The following MYO3B variants were observed in gnomAD, a reference collection of about 807,000 sequenced individuals.
The protein encoded by MYO3B is myosin-IIIb.
Under a neutral mutation model 174.6 loss-of-function variants are expected in MYO3B, and 156 were observed. The observed-to-expected ratio is 0.89, with a 90% CI of 0.78 to 1.02. The LOEUF (loss-of-function observed/expected upper bound fraction) is 1.02. MYO3B is among the 50% of genes least tolerant of loss of function. The probability of loss-of-function intolerance (pLI) is 0.00; values close to 1 mark genes in which losing one functional copy is unlikely to be tolerated. For missense variants in MYO3B, 1,632 were observed against 1,639.4 expected, an observed-to-expected ratio of 1.00 and a Z score of 0.08; for synonymous variants, 563 against 569.1, an observed-to-expected ratio of 0.99 and a Z score of 0.15.
chr2:170,384,418 A>G (rs942775891), intron 12 of MYO3B, among the ~76,000 whole-genome samples: 12 of 151,994 alleles, frequency 7.9e-5, no homozygotes, highest in Admixed American at 3.3e-4. Context: ...CAATAGGTAT[A>G]TTTTTCTTTG....
chr2:170,590,877 G>A (rs1693781210), intron 32 of MYO3B, among the ~76,000 whole-genome samples: 1 of 152,214 alleles, frequency 6.6e-6, no homozygotes, highest in South Asian at 2.1e-4. Flanking sequence ...GAAACGTTTG[G>A]CCGCAATACT....
intron 25 of MYO3B, among the ~76,000 whole-genome samples, chr2:170,493,231 A>G (rs181949992): frequency 4.7e-4 from 72 of 152,318 alleles, no homozygotes; most frequent in Admixed American, 1.8e-3. Context: ...AATTCTTCCC[A>G]AATCTCCAAT....
chr2:170,281,866 A>G (rs2093513788), intron 7 of MYO3B, among the ~76,000 whole-genome samples: 1 of 152,240 alleles, frequency 6.6e-6, no homozygotes, highest in Non-Finnish European at 1.5e-5. Context: ...AAACACAATT[A>G]GAAATGATGA....
At chr2:170,516,946 TTC>T (rs1219394862) in intron 29 of MYO3B, among the ~76,000 whole-genome samples, 18 of 152,244 alleles carry the variant, frequency 1.2e-4, no homozygotes, top group Admixed American at 6.5e-5. Flanking sequence ...ATGAGTCACC[TTC>T]TCTCTCTTTT....
At chr2:170,393,199 T>G (rs1240129699) in intron 16 of MYO3B, among the ~76,000 whole-genome samples, 2 of 151,872 alleles carry the variant, frequency 1.3e-5, no homozygotes, top group Non-Finnish European at 2.9e-5. Context: ...TTCTCCTGCT[T>G]CAGCCTCCCG....
chr2:170,401,346 G>GATCT lies in MYO3B; in HGVS notation c.1919-133_1919-130dup, dbSNP rs372272208. 876 of 742,642 alleles carry GATCT rather than the reference G, an allele frequency of 1.2e-3. 9 individuals are homozygous for GATCT. The African/African-American group carries it at 0.013, about 11-fold the overall frequency. The allele number at this position is 742,642 out of a possible 1,614,324, so 46.0% of individuals were successfully genotyped here. A position where few individuals can be genotyped will look rare whatever the true frequency, so the allele number is the denominator to read the frequency against. On this transcript the variant is annotated intron_variant, in intron 17 of 34. Transcript: ENST00000408978. ...AGTCTGGAAGCTTCTTGGGGTTAGG[G>GATCT]ATCTAGCCTGTTTATCTTTGAGTCA...
intron 32 of MYO3B, among the ~76,000 whole-genome samples, chr2:170,607,310 T>G (rs1365278152): frequency 1.3e-5 from 2 of 152,252 alleles, no homozygotes; most frequent in Non-Finnish European, 2.9e-5. Flanking sequence ...TCCCCACAAC[T>G]TCGTGGCTTA....
At chr2:170,515,669 G>C (rs1210210559) in intron 29 of MYO3B, among the ~76,000 whole-genome samples, 4 of 152,002 alleles carry the variant, frequency 2.6e-5, no homozygotes, top group Non-Finnish European at 5.9e-5. Context: ...TATGATTTTT[G>C]AAGTATGGTC....
chr2:170,327,874 TAC>T (rs59930574), intron 7 of MYO3B, among the ~76,000 whole-genome samples: 884 of 40,386 alleles, frequency 0.022, 10 homozygotes, highest in East Asian at 0.12. Context: ...TATATATATA[TAC>T]ACTATATATA....
At chr2:170,315,209 C>A (rs187219182) in intron 7 of MYO3B, among the ~76,000 whole-genome samples, 2 of 152,296 alleles carry the variant, frequency 1.3e-5, no homozygotes, top group Non-Finnish European at 2.9e-5. Flanking sequence ...TGAGAGTCTG[C>A]ATTATTTTGC....
chr2:170,322,022 G>A (rs1031895759), intron 7 of MYO3B, among the ~76,000 whole-genome samples: 3 of 151,574 alleles, frequency 2.0e-5, no homozygotes, highest in Non-Finnish European at 4.4e-5. Context: ...GCTGAGGCAG[G>A]AGAATTGCTT....
chr2:170,602,674 A>G (rs2106345614), intron 32 of MYO3B, among the ~76,000 whole-genome samples: 1 of 152,168 alleles, frequency 6.6e-6, no homozygotes, highest in Non-Finnish European at 1.5e-5. Context: ...TCTCTCCTCT[A>G]AATTATTCTG....
In MYO3B at chr2:170,217,213, C is replaced by T. The variant is rs572091007; in HGVS notation, c.527-106C>T. The T allele has an allele frequency of 1.8e-4, 163 of 930,320 alleles. No homozygotes were observed. The East Asian group carries it at 3.8e-3, about 22-fold the overall frequency. 57.6% of individuals were successfully genotyped at this position (930,320 alleles called of 1,614,324 possible). On this transcript the variant is annotated intron_variant, in intron 5 of 34. Transcript: ENST00000408978. ...TAGTTGTGACAGAGACCATATGGCC[C>T]ACAAAGCCTAAAGTACTTATTTGGC...
intron 7 of MYO3B, among the ~76,000 whole-genome samples, chr2:170,330,005 C>T (rs1334357039): frequency 6.6e-6 from 1 of 152,184 alleles, no homozygotes; most frequent in African/African-American, 2.4e-5. Context: ...TAACACATTC[C>T]TAAGTGTTTA....
intron 25 of MYO3B, among the ~76,000 whole-genome samples, chr2:170,469,641 C>T (rs192332019): frequency 2.4e-4 from 36 of 152,240 alleles, no homozygotes; most frequent in Non-Finnish European, 4.1e-4. Flanking sequence ...TCCTCACTTC[C>T]TTTAAATAAT....
intron 23 of MYO3B, among the ~76,000 whole-genome samples, chr2:170,457,916 G>A (rs1684001084): frequency 6.6e-6 from 1 of 152,018 alleles, no homozygotes; most frequent in Non-Finnish European, 1.5e-5. Context: ...CACTACGCCT[G>A]GCTAAGTTTT....
intron 7 of MYO3B, among the ~76,000 whole-genome samples, chr2:170,245,226 G>A (rs985446886): frequency 3.3e-5 from 5 of 152,172 alleles, no homozygotes; most frequent in African/African-American, 7.2e-5. Context: ...TGTCTTAGTC[G>A]TTAAAGGCAA....
chr2:170,423,661 A>G (rs1187924252), intron 22 of MYO3B, among the ~76,000 whole-genome samples: 2 of 147,562 alleles, frequency 1.4e-5, no homozygotes, highest in Non-Finnish European at 3.0e-5. Context: ...GCTCACTGCA[A>G]CCTCCGCCTC....
At chr2:170,252,186 C>T (rs2093260779) in intron 7 of MYO3B, among the ~76,000 whole-genome samples, 1 of 152,216 alleles carries the variant, frequency 6.6e-6, no homozygotes, top group African/African-American at 2.4e-5. Flanking sequence ...CCTTCACCCC[C>T]TTCCTTTCCA....
Sources: gnomAD v4.1 joint callset for allele counts (sites outside exome capture counted in the v4.1 genomes callset) on GRCh38, gnomAD v4.1.1 for gene constraint, MANE v1.5 for transcripts, NCBI Gene and HGNC (gene_info 2026-07-23, HGNC 2026-07-21) for gene names.